The following NRXN3 variants were observed in gnomAD, a reference collection of about 807,000 sequenced individuals.
The protein encoded by NRXN3 is neurexin 3, also known as neurexin III.
NRXN3 carries 32 observed loss-of-function variants against 137.6 expected under a neutral mutation model. The observed-to-expected ratio is 0.23, with a 90% CI of 0.18 to 0.31. The LOEUF (loss-of-function observed/expected upper bound fraction) is 0.31, where lower values mean the gene tolerates loss of function less well. Among genes scored for constraint, NRXN3 ranks in the 10% least tolerant of loss-of-function variants. The pLI, the probability that NRXN3 is intolerant of heterozygous loss-of-function variation, is 1.00. For synonymous variants in NRXN3, 798 were observed against 784.5 expected (o/e 1.02, Z -0.29); for missense variants, 1,574 against 2,062.5 (o/e 0.76, Z 4.59).
intron 16 of NRXN3, among the ~76,000 whole-genome samples, chr14:79,623,888 G>C (rs1386118801): frequency 9.2e-6 from 1 of 108,162 alleles, no homozygotes; most frequent in African/African-American, 4.4e-5. Flanking sequence ...TTAAATTGTA[G>C]AATATTAGAA....
At chr14:79,794,815 A>G (rs900318864) in intron 19 of NRXN3, among the ~76,000 whole-genome samples, 1 of 152,208 alleles carries the variant, frequency 6.6e-6, no homozygotes, top group African/African-American at 2.4e-5. Context: ...AATCCACAGG[A>G]TCCTGTGCCA....
chr14:79,300,144 G>C (rs1483432082), intron 15 of NRXN3, among the ~76,000 whole-genome samples: 2 of 152,018 alleles, frequency 1.3e-5, no homozygotes, highest in African/African-American at 4.8e-5. Flanking sequence ...CCCCCAGCAG[G>C]TGGATTTTTA....
At chr14:78,842,915 C>A (rs1333260021) in intron 10 of NRXN3, among the ~76,000 whole-genome samples, 1 of 152,104 alleles carries the variant, frequency 6.6e-6, no homozygotes, top group African/African-American at 2.4e-5. Flanking sequence ...CTGAACATTG[C>A]TGTTATCCTG....
chr14:79,699,223 A>C (rs940382015), intron 19 of NRXN3, among the ~76,000 whole-genome samples: 3 of 152,028 alleles, frequency 2.0e-5, no homozygotes, highest in Non-Finnish European at 4.4e-5. Flanking sequence ...ACTGATATTA[A>C]ACCAATAACT....
intron 19 of NRXN3, among the ~76,000 whole-genome samples, chr14:79,701,207 C>A (rs1243215465): frequency 6.6e-6 from 1 of 152,054 alleles, no homozygotes; most frequent in East Asian, 1.9e-4. Flanking sequence ...GGGTTTAAAA[C>A]TTTGTTCATC....
At chr14:79,224,824 G>T (rs77012294) in intron 15 of NRXN3, among the ~76,000 whole-genome samples, 10 of 152,130 alleles carry the variant, frequency 6.6e-5, no homozygotes, top group African/African-American at 2.4e-4. Context: ...GAATTACTCC[G>T]TAGGAAGGCA....
At chr14:79,057,847 C>A (rs1360975493) in intron 15 of NRXN3, among the ~76,000 whole-genome samples, 1 of 151,852 alleles carries the variant, frequency 6.6e-6, no homozygotes, top group African/African-American at 2.4e-5. Context: ...AGATGTGGTG[C>A]CATTCCAAGG....
chr14:78,442,869 G>A (rs1026588369), intron 4 of NRXN3, among the ~76,000 whole-genome samples: 1 of 152,162 alleles, frequency 6.6e-6, no homozygotes, highest in Non-Finnish European at 1.5e-5. Flanking sequence ...AAGAGCAATT[G>A]ACATTTGTAT....
intron 15 of NRXN3, among the ~76,000 whole-genome samples, chr14:79,407,588 G>A (rs1465159627): frequency 6.6e-6 from 1 of 152,144 alleles, no homozygotes; most frequent in Non-Finnish European, 1.5e-5. Flanking sequence ...CTTAAATGGG[G>A]ATGTGCTATC....
At chr14:79,455,275 A>C (rs1380313185) in intron 15 of NRXN3, among the ~76,000 whole-genome samples, 2 of 152,196 alleles carry the variant, frequency 1.3e-5, no homozygotes, top group Non-Finnish European at 2.9e-5. Flanking sequence ...CTGTTTTATA[A>C]GATCGTTTGT....
At chr14:79,604,354 C>A (rs543779433) in intron 16 of NRXN3, among the ~76,000 whole-genome samples, 130 of 152,014 alleles carry the variant, frequency 8.6e-4, no homozygotes, top group African/African-American at 3.0e-3. Flanking sequence ...CATGCCTTAG[C>A]CTCCCGAGTA....
chr14:79,760,226 G>A (rs760127949), intron 19 of NRXN3, among the ~76,000 whole-genome samples: 1 of 151,604 alleles, frequency 6.6e-6, no homozygotes, highest in Non-Finnish European at 1.5e-5. Flanking sequence ...AGAAAAAAGT[G>A]TGGCGAGCTA....
chr14:79,675,146 G>T lies in NRXN3; in HGVS notation c.3616+11197G>T, dbSNP rs78613139. ...TAGGTGGCAGAACCAACATTTGGAT[G>T]TAGACAGGGAAACCCTGATATCTTT... On this transcript the variant is annotated intron_variant, in intron 17 of 20. Transcript: ENST00000335750. 8.5e-4 allele frequency among the ~76,000 whole-genome samples: 129 copies of T among 152,124 alleles called. 2 individuals are homozygous for T. In the East Asian group the frequency reaches 0.025, roughly 29 times the overall value.
chr14:79,808,564 G>A (rs2099219460), intron 20 of NRXN3, among the ~76,000 whole-genome samples: 2 of 151,902 alleles, frequency 1.3e-5, no homozygotes. Flanking sequence ...CACTAAATTT[G>A]GCTAACTTCC....
chr14:78,513,150 G>A (rs896395396), intron 4 of NRXN3, among the ~76,000 whole-genome samples: 5 of 152,212 alleles, frequency 3.3e-5, no homozygotes, highest in Non-Finnish European at 7.3e-5. Flanking sequence ...CTGCTTTGCA[G>A]TCAGACTTTC....
intron 8 of NRXN3, among the ~76,000 whole-genome samples, chr14:78,735,851 T>C (rs963731755): frequency 5.3e-5 from 8 of 152,164 alleles, no homozygotes; most frequent in Admixed American, 1.3e-4. Context: ...TCTAGTCTTG[T>C]TATTTTACAT....
rs774796374 is a variant in NRXN3, at chr14:78,656,908, G to A, written c.1221+5582G>A. Among the ~76,000 whole-genome samples the A allele has an allele frequency of 5.9e-5, 9 of 151,926 alleles. No individual in the cohort carries two copies. The East Asian group carries it at 7.8e-4, about 13-fold the overall frequency. On this transcript the variant is annotated intron_variant, in intron 6 of 20. Coordinates refer to ENST00000335750, the MANE Select transcript of NRXN3 (RefSeq NM_001330195.2). ...AATACAAAATCAAAATTAGCTGGGCGTGGTGGCGGGCACCTGTAGTCCCAG... is the reference window on the plus strand; with the variant it reads ...AATACAAAATCAAAATTAGCTGGGCATGGTGGCGGGCACCTGTAGTCCCAG...
rs116357155 is a variant in NRXN3 at position 78,470,935 on chromosome 14, A to G, written c.757+173075A>G. 3.0e-3 allele frequency among the ~76,000 whole-genome samples: 463 copies of G among 152,250 alleles called. 8 individuals are homozygous for G. Among genetic ancestry groups the G allele is most frequent in the African/African-American group, 0.011 (445 of 41,550 alleles). On this transcript the variant is annotated intron_variant, in intron 4 of 20. Coordinates refer to ENST00000335750, the MANE Select transcript of NRXN3 (RefSeq NM_001330195.2). ...TCCGAAGGTCAGATAGCTAGTGTCAAAACCAACCCTGGAACTCAGGACTTA... is the reference window on the plus strand; with the variant it reads ...TCCGAAGGTCAGATAGCTAGTGTCAGAACCAACCCTGGAACTCAGGACTTA...
Position 79,026,510 on chromosome 14 carries a change from C to G in NRXN3, c.3262+38369C>G, listed in dbSNP as rs916148910. On this transcript the variant is annotated intron_variant, in intron 15 of 20. Transcript: ENST00000335750. ...AAAATCCTAAAAACAATAAAACAAA[C>G]CAACAAACAAACCAGAAAAATTGAA... Among the ~76,000 whole-genome samples the G allele has an allele frequency of 5.3e-5, 8 of 152,154 alleles. No homozygotes were observed. The East Asian group carries it at 5.8e-4, about 11-fold the overall frequency.
Sources: allele counts gnomAD v4.1 joint callset (sites outside exome capture counted in the v4.1 genomes callset), GRCh38; gene constraint gnomAD v4.1.1; transcripts MANE v1.5; gene names NCBI Gene and HGNC (gene_info 2026-07-23, HGNC 2026-07-21).